The following FLNB variants were observed in gnomAD, a reference collection of about 807,000 sequenced individuals.
FLNB encodes filamin-B.
In FLNB, 111 loss-of-function variants were observed where a neutral mutation model predicts 250.6. That is an observed-to-expected ratio of 0.44 (90% CI 0.38 to 0.52). The LOEUF (loss-of-function observed/expected upper bound fraction) is 0.52, where lower values mean the gene tolerates loss of function less well. FLNB is among the 20% of genes least tolerant of loss of function. The probability of loss-of-function intolerance (pLI) is 0.00; values close to 1 mark genes in which losing one functional copy is unlikely to be tolerated. For missense variants in FLNB, 2,869 were observed against 3,447.8 expected, an observed-to-expected ratio of 0.83 and a Z score of 4.20; for synonymous variants, 1,302 against 1,372.1, an observed-to-expected ratio of 0.95 and a Z score of 1.13.
intron 1 of FLNB, among the ~76,000 whole-genome samples, chr3:58,022,410 AG>A (rs1276705968): frequency 1.3e-5 from 2 of 152,184 alleles, no homozygotes; most frequent in Admixed American, 6.5e-5. Flanking sequence ...CTGAACTTAA[AG>A]AACTCAGCAG....
At chr3:58,090,453 C>T (rs1434070937) in intron 4 of FLNB, among the ~76,000 whole-genome samples, 1 of 152,138 alleles carries the variant, frequency 6.6e-6, no homozygotes, top group East Asian at 1.9e-4. Flanking sequence ...CATTTATCAT[C>T]AAGTATTATG....
At chr3:58,099,005 A>G (rs1302556657) in intron 8 of FLNB, 97 bp downstream of exon 8, 1 of 1,012,056 alleles carries the variant, frequency 9.9e-7, no homozygotes, top group Admixed American at 1.7e-5. Flanking sequence ...CCCAACATTG[A>G]CCTTATGCCT....
At chr3:58,135,429 C>T (rs140964170) in intron 27 of FLNB, among the ~76,000 whole-genome samples, 1 of 152,302 alleles carries the variant, frequency 6.6e-6, no homozygotes, top group Non-Finnish European at 1.5e-5. Context: ...ATCACATCCA[C>T]ATGGCAGGCC....
At position 58,134,641 on chromosome 3, in the gene FLNB, A is replaced by C; in HGVS notation, c.4540A>C (p.Thr1514Pro). ...RSPFKVKVLP[T>P]YDASKVTASG... ...TCCCTTCAAGGTCAAGGTCCTTCCC[A>C]CATATGATGCCAGCAAAGTGACTGC... Residue 1514 changes from threonine (T) to proline (P), a missense_variant, in exon 27 of 46, where the codon ACA (threonine) becomes CCA (proline). This residue lies in a region of FLNB where 126 missense variants were observed against 182.0 expected (regional missense o/e 0.69). Transcript: ENST00000295956. 6.2e-7 allele frequency: 1 copy of C among 1,614,124 alleles called. No individual in the cohort carries two copies. The highest frequency in any genetic ancestry group is 1.1e-5 in the South Asian group (1 of 91,076).
chr3:58,147,123 A>G, intron 34 of FLNB, 130 bp downstream of exon 34: 1 of 879,370 alleles, frequency 1.1e-6, no homozygotes, highest in Non-Finnish European at 1.8e-6. Context: ...AGACTTGTTG[A>G]GGAGGAGCAG....
intron 29 of FLNB, among the ~76,000 whole-genome samples, chr3:58,141,577 G>C (rs1373602743): frequency 6.6e-6 from 1 of 152,226 alleles, no homozygotes; most frequent in Non-Finnish European, 1.5e-5. Flanking sequence ...GACAGCACCA[G>C]TCAAGGTCCT....
At chr3:58,163,105 G>C (rs1245001709) in intron 42 of FLNB, 49 bp from the exon 43 acceptor site, 1 of 1,581,746 alleles carries the variant, frequency 6.3e-7, no homozygotes, top group Non-Finnish European at 8.7e-7. Flanking sequence ...CTGAACTCAG[G>C]GGTGTCCATT....
chr3:58,009,765 T>C (rs1576578071), intron 1 of FLNB, among the ~76,000 whole-genome samples: 1 of 152,120 alleles, frequency 6.6e-6, no homozygotes, highest in Non-Finnish European at 1.5e-5. Flanking sequence ...AGGCTTTGTT[T>C]TCCTCTCCTC....
chr3:58,045,677 A>G (rs1311739866), intron 1 of FLNB, among the ~76,000 whole-genome samples: 3 of 152,182 alleles, frequency 2.0e-5, no homozygotes, highest in South Asian at 4.2e-4. Flanking sequence ...CGAAAGTTCA[A>G]TAACTGTGCT....
chr3:58,133,017 G>A (rs878973184), intron 26 of FLNB, 86 bp downstream of exon 26: 441 of 1,447,052 alleles, frequency 3.0e-4, no homozygotes, highest in Middle Eastern at 5.3e-4. Context: ...CCACCCATCC[G>A]TTCCTCCATC....
chr3:58,017,305 C>T (rs1440632165), intron 1 of FLNB, among the ~76,000 whole-genome samples: 1 of 152,154 alleles, frequency 6.6e-6, no homozygotes, highest in East Asian at 1.9e-4. Flanking sequence ...GGCTGGAGTG[C>T]AGTGGCGCTA....
rs757977434 is a variant in FLNB, at chr3:58,131,896, G to A, written c.4391-912G>A. 62 of 1,432,060 alleles carry A rather than the reference G, an allele frequency of 4.3e-5. No homozygotes were observed. The Middle Eastern group carries it at 1.5e-3, about 36-fold the overall frequency. 88.7% of individuals were successfully genotyped at this position (1,432,060 alleles called of 1,614,324 possible). ...CTTGGATATCTGCCTCTATTATGAAGGACTCTCAAGTAACAGCCTTTTGAT... is the reference window on the plus strand; with the variant it reads ...CTTGGATATCTGCCTCTATTATGAAAGACTCTCAAGTAACAGCCTTTTGAT... On this transcript the variant is annotated intron_variant, in intron 25 of 45. Coordinates refer to ENST00000295956, the MANE Select transcript of FLNB (RefSeq NM_001457.4).
At chr3:58,127,897 A>C (rs888713859) in intron 24 of FLNB, among the ~76,000 whole-genome samples, 1 of 152,144 alleles carries the variant, frequency 6.6e-6, no homozygotes, top group Non-Finnish European at 1.5e-5. Context: ...TTGTGGTTAC[A>C]TGGATGAATT....
chr3:58,074,765 A>C (rs1329571929), intron 1 of FLNB, among the ~76,000 whole-genome samples: 1 of 152,202 alleles, frequency 6.6e-6, no homozygotes, highest in Non-Finnish European at 1.5e-5. Context: ...TGAATTATGT[A>C]GACAGTCCTG....
At chr3:58,131,940 T>A (rs1277366805) in intron 25 of FLNB, 1 of 1,537,030 alleles carries the variant, frequency 6.5e-7, no homozygotes, top group Non-Finnish European at 8.7e-7. Context: ...ACGACACGGA[T>A]TCCCAGTCAT....
At position 58,152,799 on chromosome 3, in the gene FLNB, C is replaced by T. The variant is rs572777965; in HGVS notation, c.6368-576C>T. On this transcript the variant is annotated intron_variant, in intron 38 of 45. Transcript: ENST00000295956. ...CTAGGTGATGGCAGTGCTCCGTGCC[C>T]CGCATGCGGCCGCCTGGCCTCACCA... 9.3e-6 allele frequency: 12 copies of T among 1,290,160 alleles called. No individual in the cohort carries two copies. The African/African-American group carries it at 1.6e-4, about 18-fold the overall frequency. The allele number at this position is 1,290,160 out of a possible 1,614,324, so 79.9% of individuals were successfully genotyped here. A position where few individuals can be genotyped will look rare whatever the true frequency, so the allele number is the denominator to read the frequency against.
At chr3:58,103,476 A>G (rs1439640119) in intron 9 of FLNB, among the ~76,000 whole-genome samples, 1 of 152,210 alleles carries the variant, frequency 6.6e-6, no homozygotes, top group African/African-American at 2.4e-5. Context: ...TCTTGCAGAT[A>G]GCGTCTGAGG....
intron 25 of FLNB, chr3:58,131,990 G>A (rs2097308257): frequency 1.3e-6 from 2 of 1,536,770 alleles, no homozygotes. Context: ...TTCTTTAAAG[G>A]TGACCCGAAG....
At chr3:58,060,168 C>T (rs551498269) in intron 1 of FLNB, among the ~76,000 whole-genome samples, 96 of 152,122 alleles carry the variant, frequency 6.3e-4, no homozygotes, top group African/African-American at 2.2e-3. Flanking sequence ...TGAACGGGGG[C>T]GCAAGGGAGT....
Sources: allele counts gnomAD v4.1 joint callset (sites outside exome capture counted in the v4.1 genomes callset), GRCh38; gene constraint gnomAD v4.1.1; regional missense constraint gnomAD v4.1.1; transcripts MANE v1.5; gene names NCBI Gene and HGNC (gene_info 2026-07-23, HGNC 2026-07-21).